EEF1D: variants seen among roughly 807,000 people sequenced by gnomAD.
EEF1D encodes the protein elongation factor 1-delta.
Under a neutral mutation model 63.9 loss-of-function variants are expected in EEF1D, and 47 were observed. The observed-to-expected ratio is 0.74, with a 90% CI of 0.58 to 0.94. EEF1D has a LOEUF of 0.94. Ranked by LOEUF, EEF1D falls within the 40% of genes least tolerant of loss-of-function variation. EEF1D has a pLI of 0.00. For synonymous variants in EEF1D, 412 were observed against 386.1 expected (o/e 1.07, Z -0.79); for missense variants, 907 against 899.0 (o/e 1.01, Z -0.11).
At chr8:143,581,372 C>A in intron 5 of EEF1D, 44 bp from the exon 6 acceptor site, 1 of 1,561,278 alleles carries the variant, frequency 6.4e-7, no homozygotes, top group East Asian at 2.3e-5. Flanking sequence ...CAGCCTGCTC[C>A]TAGGGTCCCC....
intron 1 of EEF1D, chr8:143,596,823 A>G (rs1388901922): frequency 6.6e-6 from 1 of 152,156 alleles, no homozygotes; most frequent in Non-Finnish European, 1.5e-5. Context: ...TATCCAAATC[A>G]AGAGACAGAA....
intron 1 of EEF1D, 118 bp from the exon 2 acceptor site, chr8:143,592,778 G>C: frequency 1.2e-6 from 1 of 863,556 alleles, no homozygotes; most frequent in Middle Eastern, 5.9e-4. Flanking sequence ...GCTGCTTGGC[G>C]AGGTGGTGTG....
At chr8:143,594,941 T>C (rs1828556282) in intron 1 of EEF1D, among the ~76,000 whole-genome samples, 1 of 152,240 alleles carries the variant, frequency 6.6e-6, no homozygotes, top group South Asian at 2.1e-4. Context: ...AGTCTCACTC[T>C]GTCACCCAGG....
At chr8:143,594,799 C>A (rs1828524108) in intron 1 of EEF1D, among the ~76,000 whole-genome samples, 1 of 152,256 alleles carries the variant, frequency 6.6e-6, no homozygotes, top group African/African-American at 2.4e-5. Context: ...GGCGCGACGA[C>A]TAGCCCTTAA....
intron 3 of EEF1D, 40 bp downstream of exon 3, chr8:143,588,951 A>G (rs990972981): frequency 3.8e-6 from 6 of 1,569,036 alleles, no homozygotes; most frequent in Non-Finnish European, 5.1e-6. Flanking sequence ...CCCTGTGCCC[A>G]CAGCCCAGGC....
At chr8:143,580,275 C>A in intron 8 of EEF1D, 69 bp from the exon 9 acceptor site, 1 of 1,497,322 alleles carries the variant, frequency 6.7e-7, no homozygotes, top group Non-Finnish European at 9.1e-7. Flanking sequence ...CCTGCATGCA[C>A]CCTACCCTCA....
chr8:143,595,896 C>T (rs1287076308), intron 1 of EEF1D, among the ~76,000 whole-genome samples: 2 of 152,222 alleles, frequency 1.3e-5, no homozygotes, highest in African/African-American at 2.4e-5. Context: ...GTGGCAGGCT[C>T]CTACACCAGC....
intron 1 of EEF1D, chr8:143,596,823 AAG>A (rs1828914272): frequency 6.6e-6 from 1 of 152,156 alleles, no homozygotes; most frequent in Admixed American, 6.6e-5. Context: ...TATCCAAATC[AAG>A]AGACAGAAAT....
intron 5 of EEF1D, 188 bp from the exon 6 acceptor site, chr8:143,581,516 C>A: frequency 1.7e-6 from 1 of 600,368 alleles, no homozygotes; most frequent in East Asian, 2.8e-5. Context: ...CAGTGAAATT[C>A]TCAGCCAGGC....
intron 5 of EEF1D, chr8:143,585,950 C>G (rs932910595): frequency 2.3e-6 from 1 of 443,568 alleles, no homozygotes; most frequent in Admixed American, 3.8e-5. Flanking sequence ...GCAAATGGCA[C>G]CACTCAGCTC....
At chr8:143,580,907 C>A in intron 7 of EEF1D, 147 bp downstream of exon 7, 1 of 1,145,840 alleles carries the variant, frequency 8.7e-7, no homozygotes, top group Non-Finnish European at 1.3e-6. Flanking sequence ...CTGCCCAGGG[C>A]TAACTGTAAA....
chr8:143,588,159 CTTG>C (rs1163316465), intron 3 of EEF1D, among the ~76,000 whole-genome samples: 1 of 152,202 alleles, frequency 6.6e-6, no homozygotes, highest in African/African-American at 2.4e-5. Flanking sequence ...CTCAGGTTAT[CTTG>C]TTAACCAGCA....
intron 2 of EEF1D, among the ~76,000 whole-genome samples, chr8:143,591,847 G>A (rs944101133): frequency 2.0e-5 from 3 of 152,264 alleles, no homozygotes; most frequent in South Asian, 2.1e-4. Context: ...GTGGGGTGCT[G>A]AGCTGTCTAC....
chr8:143,595,935 C>T (rs1284690837), intron 1 of EEF1D, among the ~76,000 whole-genome samples: 1 of 152,222 alleles, frequency 6.6e-6, no homozygotes. Flanking sequence ...CCACCAGCTT[C>T]CAACACGCTG....
rs769179801 is a variant in EEF1D at position 143,589,347 on chromosome 8, G to A, written c.735C>T (p.Gly245=). The change falls in exon 3 of 10, where the codon GGC becomes GGT. Residue 245 remains glycine (G), a synonymous_variant. Transcript: ENST00000618139. ...GGCCGTCAAACAGGGCCTCGTAGAA[G>A]CCCCTCTCGGCTGCATCATACCGGG... ...EKPRYDAAER[G]FYEALFDGHP... 1 of 1,575,350 alleles carries A rather than the reference G, an allele frequency of 6.3e-7. No individual in the cohort carries two copies. The highest frequency in any genetic ancestry group is 1.8e-5 in the Admixed American group (1 of 55,984).
intron 1 of EEF1D, chr8:143,593,820 G>C (rs372525331): frequency 1.0e-6 from 1 of 980,672 alleles, no homozygotes; most frequent in Non-Finnish European, 1.2e-6. Flanking sequence ...CCCCCCACAC[G>C]TCCGAGCCCA....
At chr8:143,580,263 T>C in intron 8 of EEF1D, 57 bp from the exon 9 acceptor site, 2 of 1,547,784 alleles carry the variant, frequency 1.3e-6, no homozygotes, top group South Asian at 2.3e-5. Context: ...ACCCAGGAAG[T>C]ACCTGCATGC....
At chr8:143,593,988 GGACACAGCGACTC>G in intron 1 of EEF1D, 7 of 907,758 alleles carry the variant, frequency 7.7e-6, no homozygotes, top group Non-Finnish European at 9.2e-6. Context: ...GCCCGGAGCA[GGACACAGCGACTC>G]TTTCAACTGC....
At position 143,580,171 on chromosome 8, in the gene EEF1D, G is replaced by A. The variant is rs746947563; in HGVS notation, c.1746C>T (p.Ala582=). 6.2e-7 allele frequency: 1 copy of A among 1,613,736 alleles called. No homozygotes were observed. The highest frequency in any genetic ancestry group is 1.1e-5 in the South Asian group (1 of 91,076). The change falls in exon 9 of 10, where the codon GCC becomes GCT. Residue 582 remains alanine, a synonymous_variant. Transcript: ENST00000618139. The stretch of plus-strand genomic sequence containing the variant: ...CGTCCAGCTGGATAGAGCGCACACA[G>A]GCCTCCAGCTGGGCCATGTCCGTCT... ...DDETDMAQLE[A]CVRSIQLDGL... is the part of the protein sequence containing the mutation.
Sources: allele counts gnomAD v4.1 joint callset (sites outside exome capture counted in the v4.1 genomes callset), GRCh38; gene constraint gnomAD v4.1.1; transcripts MANE v1.5; gene names NCBI Gene and HGNC (gene_info 2026-07-23, HGNC 2026-07-21).